CADPS2: variants seen among roughly 807,000 people sequenced by gnomAD.
The protein encoded by CADPS2 is calcium-dependent secretion activator 2.
In CADPS2, 93 loss-of-function variants were observed where a neutral mutation model predicts 172.5. That is an observed-to-expected ratio of 0.54 (90% CI 0.46 to 0.64). CADPS2 has a LOEUF of 0.64. Among genes scored for constraint, CADPS2 ranks in the 30% least tolerant of loss-of-function variants. The pLI is 0.00. For missense variants in CADPS2, 1,420 were observed against 1,565.9 expected (o/e 0.91, Z 1.57); for synonymous variants, 546 against 555.2 (o/e 0.98, Z 0.23).
intron 14 of CADPS2, among the ~76,000 whole-genome samples, chr7:122,464,104 A>G (rs1489470463): frequency 1.3e-5 from 2 of 152,190 alleles, no homozygotes; most frequent in Non-Finnish European, 2.9e-5. Context: ...AACAATAACA[A>G]AACCAGAGCT....
chr7:122,394,912 A>G (rs1428037085), intron 20 of CADPS2, among the ~76,000 whole-genome samples: 1 of 152,220 alleles, frequency 6.6e-6, no homozygotes, highest in Admixed American at 6.5e-5. Flanking sequence ...GCAATAGACT[A>G]GGTAAAGGAT....
chr7:122,348,160 T>C (rs117224926), intron 27 of CADPS2, among the ~76,000 whole-genome samples: 2,347 of 152,290 alleles, frequency 0.015, 29 homozygotes, highest in Non-Finnish European at 0.024. Context: ...TGCTTAGACA[T>C]TCAGTTCAGT....
chr7:122,403,510 C>T (rs933198450), intron 20 of CADPS2, among the ~76,000 whole-genome samples: 1 of 151,988 alleles, frequency 6.6e-6, no homozygotes, highest in Non-Finnish European at 1.5e-5. Flanking sequence ...CAAAATAACA[C>T]AAGATGATAT....
rs539050568 is a variant in CADPS2 at position 122,686,235 on chromosome 7, T to C, written c.454-22666A>G. On this transcript the variant is annotated intron_variant, in intron 2 of 29. Coordinates refer to ENST00000449022, the MANE Select transcript of CADPS2 (RefSeq NM_017954.11). ...AGTTTACTCACAACTCCCTTGACAG[T>C]TGTGATAGTGGTAGCGGATAGAGAA... Among the ~76,000 whole-genome samples, 8 of 152,280 alleles carry C rather than the reference T, an allele frequency of 5.3e-5. No homozygotes were observed. In the East Asian group the frequency reaches 1.5e-3, roughly 29 times the overall value.
At chr7:122,357,135 C>CT (rs2039514043) in intron 27 of CADPS2, among the ~76,000 whole-genome samples, 1 of 152,182 alleles carries the variant, frequency 6.6e-6, no homozygotes, top group Non-Finnish European at 1.5e-5. Context: ...ATTTCCAACT[C>CT]TAATCCATTA....
chr7:122,442,671 T>C (rs954077880), intron 15 of CADPS2, among the ~76,000 whole-genome samples: 3 of 152,202 alleles, frequency 2.0e-5, no homozygotes, highest in South Asian at 2.1e-4. Context: ...TGATTTCTCC[T>C]TTTTAAAACA....
chr7:122,479,375 T>C (rs1236372709), intron 12 of CADPS2, among the ~76,000 whole-genome samples: 2 of 152,206 alleles, frequency 1.3e-5, no homozygotes, highest in Non-Finnish European at 2.9e-5. Flanking sequence ...AAGTTAAAAG[T>C]GGCACAGCAA....
chr7:122,425,313 T>A (rs2049015453), intron 17 of CADPS2, among the ~76,000 whole-genome samples: 1 of 149,550 alleles, frequency 6.7e-6, no homozygotes, highest in African/African-American at 2.5e-5. Context: ...CTTTGCTGGG[T>A]GCCATGGTTC....
At position 122,489,985 on chromosome 7, in the gene CADPS2, A is replaced by G. The variant is rs1050818165; in HGVS notation, c.1852+96T>C. On this transcript the variant is annotated intron_variant, in intron 11 of 29. Coordinates refer to ENST00000449022, the MANE Select transcript of CADPS2 (RefSeq NM_017954.11). The stretch of plus-strand genomic sequence containing the variant: ...ATTTTCATTTAATTAGGAATCAATT[A>G]ATGATGTAAACTATAATACTGAATA... The G allele has an allele frequency of 4.1e-6, 4 of 976,306 alleles. No individual in the cohort carries two copies. In the African/African-American group the frequency reaches 6.6e-5, roughly 16 times the overall value. 60.5% of individuals were successfully genotyped at this position (976,306 alleles called of 1,614,324 possible). A position where few individuals can be genotyped will look rare whatever the true frequency, so the allele number is the denominator to read the frequency against.
chr7:122,710,088 A>T (rs1325448926), intron 2 of CADPS2, among the ~76,000 whole-genome samples: 3 of 151,588 alleles, frequency 2.0e-5, no homozygotes, highest in Admixed American at 6.6e-5. Flanking sequence ...AACCCAAAAA[A>T]AAAAAAATCT....
chr7:122,741,448 C>T (rs1177639893), intron 1 of CADPS2, among the ~76,000 whole-genome samples: 1 of 152,128 alleles, frequency 6.6e-6, no homozygotes, highest in Non-Finnish European at 1.5e-5. Flanking sequence ...CAGCTTTGTA[C>T]ATCTTGAAAC....
Position 122,686,754 on chromosome 7 carries a change from G to A in CADPS2, c.454-23185C>T, listed in dbSNP as rs541905300. Among the ~76,000 whole-genome samples, 67 of 137,158 alleles carry A rather than the reference G, an allele frequency of 4.9e-4. 1 individual carries two copies. The highest frequency in any genetic ancestry group is 9.1e-4 in the Non-Finnish European group (56 of 61,522). 90.0% of individuals were successfully genotyped at this position (137,158 alleles called of 152,430 possible). A position where few individuals can be genotyped will look rare whatever the true frequency, so the allele number is the denominator to read the frequency against. ...GGCTGGTGTGCAGTGGCACAATCTCGGCTCACTGCAACCTCCGCCTCCCGT... is the reference window on the plus strand; with the variant it reads ...GGCTGGTGTGCAGTGGCACAATCTCAGCTCACTGCAACCTCCGCCTCCCGT... On this transcript the variant is annotated intron_variant, in intron 2 of 29. Coordinates refer to ENST00000449022, the MANE Select transcript of CADPS2 (RefSeq NM_017954.11).
At chr7:122,812,279 TATA>T (rs1232649110) in intron 1 of CADPS2, among the ~76,000 whole-genome samples, 2 of 152,052 alleles carry the variant, frequency 1.3e-5, no homozygotes, top group African/African-American at 4.8e-5. Flanking sequence ...TCTGGTTAGC[TATA>T]ATGTTGTAAA....
intron 9 of CADPS2, among the ~76,000 whole-genome samples, chr7:122,500,763 A>T (rs2059130227): frequency 6.6e-6 from 1 of 152,208 alleles, no homozygotes. Flanking sequence ...GGGAGTTATT[A>T]TTCCCATTAC....
At chr7:122,573,127 C>G (rs1285602876) in intron 7 of CADPS2, among the ~76,000 whole-genome samples, 1 of 152,084 alleles carries the variant, frequency 6.6e-6, no homozygotes, top group Admixed American at 6.6e-5. Flanking sequence ...GCTATTTATA[C>G]CAGTGCTTCT....
Position 122,663,418 on chromosome 7 carries a change from G to A in CADPS2, c.605C>T (p.Ser202Leu). The A allele has an allele frequency of 6.2e-7, 1 of 1,613,920 alleles. No homozygotes were observed. Among genetic ancestry groups the A allele is most frequent in the Non-Finnish European group, 8.5e-7 (1 of 1,179,880 alleles). ...DGLSKETVLS[S>L]WIAKYDAIYR... ...AATGGCATCATATTTGGCTATCCAT[G>A]AGCTCAACACTGTCTCTTTGCTCAA... The change falls in exon 3 of 30, where the codon TCA becomes TTA. Residue 202 changes from serine to leucine, a missense_variant. Physicochemically the swap from Ser to Leu is moderately radical, Grantham distance 145. Transcript: ENST00000449022.
intron 8 of CADPS2, among the ~76,000 whole-genome samples, chr7:122,531,140 G>T (rs918182372): frequency 6.6e-6 from 1 of 152,154 alleles, no homozygotes; most frequent in Non-Finnish European, 1.5e-5. Context: ...AAGCTGTACT[G>T]GTAGTTTATT....
At chr7:122,686,663 A>G (rs1198317048) in intron 2 of CADPS2, among the ~76,000 whole-genome samples, 1 of 152,192 alleles carries the variant, frequency 6.6e-6, no homozygotes, top group African/African-American at 2.4e-5. Flanking sequence ...TAAAAGGCAC[A>G]TGTTCTTTTT....
intron 24 of CADPS2, among the ~76,000 whole-genome samples, chr7:122,380,972 A>C (rs2151372450): frequency 6.6e-6 from 1 of 152,234 alleles, no homozygotes; most frequent in Non-Finnish European, 1.5e-5. Flanking sequence ...GTAGAAGAAA[A>C]AGAGCCTGAA....
Sources: gnomAD v4.1 joint callset for allele counts (sites outside exome capture counted in the v4.1 genomes callset) on GRCh38, gnomAD v4.1.1 for gene constraint, MANE v1.5 for transcripts, NCBI Gene and HGNC (gene_info 2026-07-23, HGNC 2026-07-21) for gene names.